IL13RA1: variants seen among roughly 807,000 people sequenced by gnomAD.
The protein encoded by IL13RA1 is interleukin 13 receptor subunit alpha 1, also known as interleukin-13 receptor subunit alpha-1.
IL13RA1 carries 14 observed loss-of-function variants against 33.8 expected under a neutral mutation model. The ratio of observed to expected loss-of-function variants is 0.41; its 90% CI spans 0.27 to 0.65. IL13RA1 has a LOEUF of 0.65. Among genes scored for constraint, IL13RA1 ranks in the 30% least tolerant of loss-of-function variants. The pLI, the probability that IL13RA1 is intolerant of heterozygous loss-of-function variation, is 0.28. For missense variants in IL13RA1, 313 were observed against 327.0 expected (o/e 0.96, Z 0.33); for synonymous variants, 116 against 115.7 (o/e 1.00, Z -0.02).
downstream of IL13RA1, among the ~76,000 whole-genome samples, chrX:118,798,804 C>G (rs2018046329): frequency 8.9e-6 from 1 of 112,822 alleles, no homozygotes; most frequent in Non-Finnish European, 1.9e-5. Context: ...GCAGTCCTCA[C>G]AGCCCTCGCT....
chrX:118,743,495 AGC>A (rs2017369056), intron 2 of IL13RA1, among the ~76,000 whole-genome samples: 1 of 111,606 alleles, frequency 9.0e-6, no homozygotes, highest in African/African-American at 3.3e-5. Flanking sequence ...ATAGTTCCTC[AGC>A]TGGCAAGTAG....
chrX:118,803,961 T>TC, the IL13RA1 span, among the ~76,000 whole-genome samples: 12 of 93,317 alleles, frequency 1.3e-4, no homozygotes, highest in African/African-American at 4.1e-4. Context: ...TTTCTTTCTT[T>TC]CTTTTTTTTT....
intron 1 of IL13RA1, among the ~76,000 whole-genome samples, chrX:118,730,771 C>T (rs962812925): frequency 8.9e-6 from 1 of 111,838 alleles, no homozygotes; most frequent in Non-Finnish European, 1.9e-5. Context: ...TGCTGCGAAC[C>T]CTTCCTGTCC....
rs2017992139 is a variant in IL13RA1, at chrX:118,792,827, TA to T, written c.*974del. The T allele has an allele frequency of 9.0e-6, 1 of 111,681 alleles. No homozygotes were observed. The allele number at this position is 111,681 out of a possible 1,213,427, so 9.2% of individuals were successfully genotyped here. A position where few individuals can be genotyped will look rare whatever the true frequency, so the allele number is the denominator to read the frequency against. On this transcript the variant is annotated 3_prime_UTR_variant, in exon 11 of 11. Transcript: ENST00000371666. ...ACCTTTCAAAGCCATTTTAGGCTGT[TA>T]GGGGCAGTGGAGGTAGAATGACTCC...
chrX:118,791,435 C>T (rs939228494), intron 10 of IL13RA1, among the ~76,000 whole-genome samples: 3 of 111,114 alleles, frequency 2.7e-5, no homozygotes, highest in African/African-American at 6.5e-5. Flanking sequence ...GGAGTAAGAA[C>T]GGCATGACAT....
At chrX:118,742,877 GT>G (rs1324810780) in intron 2 of IL13RA1, among the ~76,000 whole-genome samples, 1 of 111,675 alleles carries the variant, frequency 9.0e-6, no homozygotes, top group African/African-American at 3.3e-5. Context: ...TATTGTTACT[GT>G]TGTTAGGTTG....
At chrX:118,771,986 T>A (rs1160873361) in intron 8 of IL13RA1, among the ~76,000 whole-genome samples, 1 of 111,630 alleles carries the variant, frequency 9.0e-6, no homozygotes, top group Non-Finnish European at 1.9e-5. Context: ...AAAATTAAAT[T>A]AAAAAAAATC....
Position 118,766,340 on chromosome X carries a change from C to T in IL13RA1, c.829-190C>T, listed in dbSNP as rs2017648580. Among the ~76,000 whole-genome samples the T allele has an allele frequency of 5.7e-5, 6 of 104,690 alleles. No individual in the cohort carries two copies. In the Admixed American group the frequency reaches 6.2e-4, roughly 11 times the overall value. The allele number at this position is 104,690 out of a possible 115,157, so 90.9% of individuals were successfully genotyped here. Reference sequence around the variant, plus strand: ...TAGTATGAGGTAGGGCGTCAAGAATCTTTTTTTTTTTCATATGCATATGTA... The same window carrying T: ...TAGTATGAGGTAGGGCGTCAAGAATTTTTTTTTTTTTCATATGCATATGTA... On this transcript the variant is annotated intron_variant, in intron 6 of 10. Transcript: ENST00000371666.
Position 118,784,349 on chromosome X carries a change from C to T in IL13RA1, c.1192-7413C>T, listed in dbSNP as rs1364758849. ...GTGATAAATGGAGTAATAGCAACCA[C>T]AATAATAATAGTTCATACTTATGGA... On this transcript the variant is annotated intron_variant, in intron 10 of 10. Coordinates refer to ENST00000371666, the MANE Select transcript of IL13RA1 (RefSeq NM_001560.3). 6.5e-5 allele frequency among the ~76,000 whole-genome samples: 7 copies of T among 107,834 alleles called. No individual in the cohort carries two copies. In the East Asian group the frequency reaches 2.0e-3, roughly 32 times the overall value. The allele number at this position is 107,834 out of a possible 115,157, so 93.6% of individuals were successfully genotyped here.
chrX:118,773,894 C>T lies in IL13RA1; in HGVS notation c.1025C>T (p.Ser342Phe), dbSNP rs776527908. 9.7e-7 allele frequency: 1 copy of T among 1,028,334 alleles called. No individual in the cohort carries two copies. Among genetic ancestry groups the T allele is most frequent in the Non-Finnish European group, 1.4e-6 (1 of 729,508 alleles). The allele number at this position is 1,028,334 out of a possible 1,213,427, so 84.7% of individuals were successfully genotyped here. The change falls in exon 9 of 11, where the codon TCC becomes TTC. Residue 342 changes from serine to phenylalanine, a missense_variant. Coordinates refer to ENST00000371666, the MANE Select transcript of IL13RA1 (RefSeq NM_001560.3). The stretch of plus-strand genomic sequence containing the variant: ...CATTCTCCAGGTAAGAAGCGCAATT[C>T]CACACTCTACATAACCATGTTACTC... ...QEMSIGKKRN[S>F]TLYITMLLIV...
At chrX:118,736,326 T>A (rs1040651516) in intron 1 of IL13RA1, among the ~76,000 whole-genome samples, 16 of 111,450 alleles carry the variant, frequency 1.4e-4, no homozygotes, top group African/African-American at 3.6e-4. Context: ...GTTTCCTGGT[T>A]TTTTTGTTTT....
At chrX:118,762,670 C>T (rs1427068625) in intron 6 of IL13RA1, among the ~76,000 whole-genome samples, 5 of 111,209 alleles carry the variant, frequency 4.5e-5, no homozygotes, top group Non-Finnish European at 9.4e-5. Flanking sequence ...ATTAAGTGCC[C>T]CATGAAATGC....
chrX:118,757,265 C>T (rs766479400), intron 4 of IL13RA1, among the ~76,000 whole-genome samples: 1 of 111,659 alleles, frequency 9.0e-6, no homozygotes, highest in African/African-American at 3.3e-5. Context: ...GGTGCAGGGG[C>T]TCACGCCTGT....
intron 1 of IL13RA1, among the ~76,000 whole-genome samples, chrX:118,738,369 C>G (rs1212668698): frequency 9.0e-6 from 1 of 111,582 alleles, no homozygotes; most frequent in African/African-American, 3.3e-5. Flanking sequence ...CCAAACCCAC[C>G]TCCCTCCCTC....
At chrX:118,800,633 G>A in the IL13RA1 span, among the ~76,000 whole-genome samples, 11 of 110,460 alleles carry the variant, frequency 1.0e-4, no homozygotes, top group East Asian at 2.3e-3. Flanking sequence ...TGAAGTCAGG[G>A]AGACCAAGAA....
At chrX:118,731,845 A>G (rs2017224563) in intron 1 of IL13RA1, among the ~76,000 whole-genome samples, 2 of 112,165 alleles carry the variant, frequency 1.8e-5, no homozygotes, top group Non-Finnish European at 3.8e-5. Context: ...GTCAGGCTCC[A>G]GAGTCTGTGC....
At chrX:118,751,586 G>A (rs1367530208) in intron 4 of IL13RA1, among the ~76,000 whole-genome samples, 4 of 110,763 alleles carry the variant, frequency 3.6e-5, no homozygotes, top group Non-Finnish European at 7.6e-5. Context: ...AGACTGCCTA[G>A]ATGGGGGAGT....
At chrX:118,779,866 G>A (rs764375926) in intron 10 of IL13RA1, among the ~76,000 whole-genome samples, 81 of 111,887 alleles carry the variant, frequency 7.2e-4, no homozygotes, top group Middle Eastern at 4.6e-3. Context: ...GAGTAATAGA[G>A]TGAATGATGG....
intron 6 of IL13RA1, among the ~76,000 whole-genome samples, chrX:118,765,329 C>T (rs370929479): frequency 9.3e-6 from 1 of 107,873 alleles, no homozygotes; most frequent in Non-Finnish European, 1.9e-5. Context: ...TCCTGGCTCT[C>T]GAACTCCTGG....
Sources: allele counts gnomAD v4.1 joint callset (sites outside exome capture counted in the v4.1 genomes callset), GRCh38; gene constraint gnomAD v4.1.1; transcripts MANE v1.5; gene names NCBI Gene and HGNC (gene_info 2026-07-23, HGNC 2026-07-21).